Variants in ITGB5 observed in about 807,000 individuals in gnomAD.
ITGB5 encodes integrin beta-5.
ITGB5 carries 38 observed loss-of-function variants against 84.8 expected under a neutral mutation model. That is an observed-to-expected ratio of 0.45 (90% CI 0.35 to 0.59). The LOEUF (loss-of-function observed/expected upper bound fraction) is 0.59, where lower values mean the gene tolerates loss of function less well. Ranked by LOEUF, ITGB5 falls within the 20% of genes least tolerant of loss-of-function variation. The probability of loss-of-function intolerance (pLI) is 0.01; values close to 1 mark genes in which losing one functional copy is unlikely to be tolerated. For missense variants in ITGB5, 905 were observed against 1,034.5 expected, an observed-to-expected ratio of 0.87 and a Z score of 1.72; for synonymous variants, 393 against 414.4, an observed-to-expected ratio of 0.95 and a Z score of 0.63.
At chr3:124,819,018 G>A (rs1344377843) in intron 7 of ITGB5, among the ~76,000 whole-genome samples, 1 of 152,318 alleles carries the variant, frequency 6.6e-6, no homozygotes, top group East Asian at 1.9e-4. Flanking sequence ...ACACCGAGGA[G>A]ATCTGTAATT....
intron 9 of ITGB5, among the ~76,000 whole-genome samples, chr3:124,798,164 T>C (rs1358676806): frequency 2.0e-5 from 3 of 147,606 alleles, no homozygotes; most frequent in Non-Finnish European, 3.0e-5. Flanking sequence ...GCCATTCTCC[T>C]GCCTCAGCCT....
Position 124,764,385 on chromosome 3 carries a change from G to A in ITGB5, c.2304+6C>T. On this transcript the variant is annotated splice_donor_region_variant and intron_variant, in intron 14 of 14. Coordinates refer to ENST00000296181, the MANE Select transcript of ITGB5 (RefSeq NM_002213.5). Reference sequence around the variant, plus strand: ...CTCCTCTGCTTCCCATTTCCCACGTGCTTACCATTTCATAGCGGGCCCTGG... The same window carrying A: ...CTCCTCTGCTTCCCATTTCCCACGTACTTACCATTTCATAGCGGGCCCTGG... 5 of 1,600,140 alleles carry A rather than the reference G, an allele frequency of 3.1e-6. No individual in the cohort carries two copies. Among genetic ancestry groups the A allele is most frequent in the Non-Finnish European group, 4.3e-6 (5 of 1,168,306 alleles).
intron 5 of ITGB5, among the ~76,000 whole-genome samples, chr3:124,833,690 C>G (rs1328861131): frequency 6.6e-6 from 1 of 152,160 alleles, no homozygotes; most frequent in Non-Finnish European, 1.5e-5. Context: ...GCCAGAAGAA[C>G]CTGGTATTCC....
chr3:124,839,335 A>G (rs1035866812), intron 5 of ITGB5, among the ~76,000 whole-genome samples: 9 of 152,168 alleles, frequency 5.9e-5, no homozygotes, highest in African/African-American at 1.9e-4. Flanking sequence ...TGAGTCTTGA[A>G]ATACTGTGTT....
chr3:124,892,636 G>A (rs1935023373), upstream of ITGB5, among the ~76,000 whole-genome samples: 1 of 148,208 alleles, frequency 6.7e-6, no homozygotes, highest in Admixed American at 6.8e-5. Flanking sequence ...TTGAGGCTGT[G>A]GTGAGCCATG....
At chr3:124,887,810 G>A (rs1331869569), upstream of ITGB5, 1 of 329,368 alleles carries the variant, frequency 3.0e-6, no homozygotes, top group Admixed American at 3.0e-5. Context: ...GGCGGCCTGA[G>A]ATGGGACGTA....
At chr3:124,885,389 T>C (rs753889542) in intron 1 of ITGB5, among the ~76,000 whole-genome samples, 3 of 152,206 alleles carry the variant, frequency 2.0e-5, no homozygotes, top group African/African-American at 7.2e-5. Context: ...TCTGAACTTT[T>C]GGATTTCAAA....
chr3:124,866,548 C>T (rs2065393035), intron 2 of ITGB5, among the ~76,000 whole-genome samples: 1 of 152,178 alleles, frequency 6.6e-6, no homozygotes, highest in South Asian at 2.1e-4. Flanking sequence ...GGCCCTTGAA[C>T]AAAAGGAACC....
At chr3:124,798,202 G>A (rs940847965) in intron 9 of ITGB5, among the ~76,000 whole-genome samples, 7 of 151,540 alleles carry the variant, frequency 4.6e-5, no homozygotes, top group African/African-American at 7.3e-5. Flanking sequence ...ACAGGTGCGC[G>A]CCACCACACG....
intron 9 of ITGB5, among the ~76,000 whole-genome samples, chr3:124,801,172 C>T (rs755521765): frequency 5.7e-4 from 87 of 152,270 alleles, no homozygotes; most frequent in South Asian, 8.3e-4. Context: ...AAGCCCATGA[C>T]GGGGTTCACT....
chr3:124,818,860 T>C (rs1443598900), intron 7 of ITGB5, among the ~76,000 whole-genome samples: 2 of 152,182 alleles, frequency 1.3e-5, no homozygotes, highest in Admixed American at 6.5e-5. Flanking sequence ...ACAAAGGTTC[T>C]TTTGTGGACA....
At chr3:124,814,264 T>A (rs1004988823) in intron 8 of ITGB5, among the ~76,000 whole-genome samples, 2 of 151,786 alleles carry the variant, frequency 1.3e-5, no homozygotes, top group Admixed American at 1.3e-4. Flanking sequence ...CTATATTTAA[T>A]ATATATATTT....
Position 124,769,221 on chromosome 3 carries a change from C to T in ITGB5, c.1917-108G>A, listed in dbSNP as rs1219126858. 7.7e-6 allele frequency: 6 copies of T among 776,976 alleles called. No homozygotes were observed. The African/African-American group carries it at 1.0e-4, about 13-fold the overall frequency. The allele number at this position is 776,976 out of a possible 1,614,324, so 48.1% of individuals were successfully genotyped here. ...ACCTGGGAAGGCTTTCACTTCTTTC[C>T]AGCTGCAGATGTTCAGCCTCAGGGA... is the stretch of plus-strand genomic sequence containing the variant. On this transcript the variant is annotated intron_variant, in intron 11 of 14. Transcript: ENST00000296181.
intron 1 of ITGB5, among the ~76,000 whole-genome samples, chr3:124,899,371 G>A (rs1017296948): frequency 3.9e-5 from 6 of 152,090 alleles, no homozygotes; most frequent in Admixed American, 3.3e-4. Context: ...GCTGTCCAGT[G>A]GGGATTCATT....
intron 8 of ITGB5, among the ~76,000 whole-genome samples, chr3:124,809,694 G>A (rs889436001): frequency 7.9e-5 from 12 of 152,144 alleles, no homozygotes; most frequent in African/African-American, 2.9e-4. Flanking sequence ...CCCATCAGAT[G>A]AGGTCCATAT....
chr3:124,807,727 T>C (rs2064428587), intron 9 of ITGB5, among the ~76,000 whole-genome samples: 1 of 151,516 alleles, frequency 6.6e-6, no homozygotes, highest in Non-Finnish European at 1.5e-5. Flanking sequence ...GGGTGGATCA[T>C]GAGGTCAGGA....
chr3:124,857,298 A>G (rs2065233554), intron 3 of ITGB5: 1 of 152,206 alleles, frequency 6.6e-6, no homozygotes, highest in Admixed American at 6.5e-5. Context: ...TCCATCTGGT[A>G]CCCTCGGCCA....
chr3:124,767,316 C>G (rs1217744472), intron 12 of ITGB5, among the ~76,000 whole-genome samples: 2 of 152,156 alleles, frequency 1.3e-5, no homozygotes, highest in African/African-American at 2.4e-5. Flanking sequence ...TTATCAGACA[C>G]GAAAGCCTGG....
intron 1 of ITGB5, among the ~76,000 whole-genome samples, chr3:124,881,973 A>G (rs578037984): frequency 2.0e-4 from 31 of 152,282 alleles, no homozygotes; most frequent in African/African-American, 7.5e-4. Context: ...AATTAAAAAA[A>G]AAATCCTGAC....
Sources: gnomAD v4.1 joint callset for allele counts (sites outside exome capture counted in the v4.1 genomes callset) on GRCh38, gnomAD v4.1.1 for gene constraint, MANE v1.5 for transcripts, NCBI Gene and HGNC (gene_info 2026-07-23, HGNC 2026-07-21) for gene names.